Variants in WDR17 observed in about 807,000 individuals in gnomAD.
WDR17 encodes the protein WD repeat domain 17, also known as WD repeat-containing protein 17.
Under a neutral mutation model 161.7 loss-of-function variants are expected in WDR17, and 143 were observed. The ratio of observed to expected loss-of-function variants is 0.88; its 90% CI spans 0.77 to 1.02. WDR17 has a LOEUF of 1.02. Among genes scored for constraint, WDR17 ranks in the 50% least tolerant of loss-of-function variants. WDR17 has a pLI of 0.00. For synonymous variants in WDR17, 517 were observed against 515.6 expected (o/e 1.00, Z -0.04); for missense variants, 1,469 against 1,520.9 (o/e 0.97, Z 0.57).
In WDR17 at chr4:176,179,454, G is replaced by A; in HGVS notation, c.3733-6G>A. On this transcript the variant is annotated splice_region_variant and splice_polypyrimidine_tract_variant and intron_variant, in intron 28 of 28. Coordinates refer to ENST00000508596, the MANE Select transcript of WDR17 (RefSeq NM_181265.4). ...ATCTTCTCTTTCCTCAACTCTCACT[G>A]TGCAGGGCCCTGTGTTTTTCCTTGA... 4 of 1,591,722 alleles carry A rather than the reference G, an allele frequency of 2.5e-6. No homozygotes were observed. Among genetic ancestry groups the A allele is most frequent in the Non-Finnish European group, 3.4e-6 (4 of 1,168,354 alleles).
chr4:176,173,689 G>T (rs1021668443), intron 25 of WDR17, among the ~76,000 whole-genome samples: 6 of 151,794 alleles, frequency 4.0e-5, no homozygotes, highest in Admixed American at 1.3e-4. Flanking sequence ...GCTAATTTTT[G>T]TATTTTTAGT....
At chr4:176,144,392 AG>A (rs1745831305) in intron 11 of WDR17, among the ~76,000 whole-genome samples, 2 of 152,200 alleles carry the variant, frequency 1.3e-5, no homozygotes, top group Admixed American at 1.3e-4. Flanking sequence ...GCATATTCTT[AG>A]CAAAACACTC....
At chr4:176,174,827 C>G (rs929066903) in intron 26 of WDR17, 109 bp downstream of exon 26, 3 of 588,158 alleles carry the variant, frequency 5.1e-6, no homozygotes, top group Non-Finnish European at 8.7e-6. Context: ...TACAAGTATC[C>G]ATCTATTTAC....
intron 4 of WDR17, 105 bp downstream of exon 4, chr4:176,120,202 C>T (rs1741324733): frequency 1.3e-6 from 1 of 743,312 alleles, no homozygotes; most frequent in Non-Finnish European, 2.1e-6. Context: ...TGAATAAAAC[C>T]AAAAGTGACA....
At chr4:176,135,383 A>G in intron 8 of WDR17, 107 bp downstream of exon 8, 1 of 1,299,276 alleles carries the variant, frequency 7.7e-7, no homozygotes, top group Non-Finnish European at 1.1e-6. Flanking sequence ...TTCTAAATGA[A>G]TGTAGAGCAA....
At chr4:176,167,193 C>T (rs1214553374) in intron 22 of WDR17, among the ~76,000 whole-genome samples, 2 of 152,074 alleles carry the variant, frequency 1.3e-5, no homozygotes, top group African/African-American at 4.8e-5. Flanking sequence ...AATTGATTTA[C>T]TTAAATGACT....
chr4:176,115,865 A>G lies in WDR17; in HGVS notation c.193A>G (p.Ile65Val). The G allele has an allele frequency of 6.2e-7, 1 of 1,611,724 alleles. No homozygotes were observed. Among genetic ancestry groups the G allele is most frequent in the Non-Finnish European group, 8.5e-7 (1 of 1,178,510 alleles). ...MSEHKKTITAISWCPHNPDLF... is the reference protein window; with the variant it reads ...MSEHKKTITAVSWCPHNPDLF... The stretch of plus-strand genomic sequence containing the variant: ...TGAACATAAAAAAACAATCACAGCA[A>G]TTTCTTGGTGTCCACATAATCCTGA... The change falls in exon 3 of 29, where the codon ATT becomes GTT. Residue 65 changes from isoleucine (I) to valine (V), a missense_variant. By Grantham distance (29) the Ile-to-Val change is conservative (BLOSUM62 3). Transcript: ENST00000508596.
chr4:176,180,443 T>A lies in WDR17; in HGVS notation c.*864T>A, dbSNP rs1752046748. The A allele has an allele frequency of 6.6e-6, 1 of 152,282 alleles. No individual in the cohort carries two copies. Among genetic ancestry groups the A allele is most frequent in the African/African-American group, 2.4e-5 (1 of 41,454 alleles). The allele number at this position is 152,282 out of a possible 1,614,324, so 9.4% of individuals were successfully genotyped here. On this transcript the variant is annotated 3_prime_UTR_variant, in exon 29 of 29. Transcript: ENST00000508596. ...AATTTATTTGGCCGGGCACGGTGGCTCACACCTGTAATCTCAGCACTTTGG... is the reference window on the plus strand; with the variant it reads ...AATTTATTTGGCCGGGCACGGTGGCACACACCTGTAATCTCAGCACTTTGG...
chr4:176,179,553 A>T lies in WDR17; in HGVS notation c.3826A>T (p.Thr1276Ser). ...GGTGAATCCATTCTCACCTTTAGGG[A>T]CTGGAATACGACTCAATCCATTCTG... ...AKVNPFSPLG[T>S]GIRLNPF The change falls in exon 29 of 29, where the codon ACT becomes TCT. Residue 1276 changes from threonine to serine, a missense_variant. By Grantham distance (58) the Thr-to-Ser change is moderately conservative. Transcript: ENST00000508596. 6.3e-7 allele frequency: 1 copy of T among 1,596,892 alleles called. No homozygotes were observed. Among genetic ancestry groups the T allele is most frequent in the South Asian group, 1.1e-5 (1 of 88,188 alleles).
chr4:176,137,269 T>C lies in WDR17; in HGVS notation c.1268-251T>C, dbSNP rs116206306. Reference sequence around the variant, plus strand: ...AAATAATATGCTGTCAGAGATTTACTCCAAATAAATTCAGCAGATGCTATA... The same window carrying C: ...AAATAATATGCTGTCAGAGATTTACCCCAAATAAATTCAGCAGATGCTATA... On this transcript the variant is annotated intron_variant, in intron 8 of 28. Coordinates refer to ENST00000508596, the MANE Select transcript of WDR17 (RefSeq NM_181265.4). 4.0e-3 allele frequency among the ~76,000 whole-genome samples: 613 copies of C among 151,684 alleles called. 5 individuals carry two copies. The highest frequency in any genetic ancestry group is 0.014 in the African/African-American group (574 of 41,510).
intron 1 of WDR17, among the ~76,000 whole-genome samples, chr4:176,110,036 GAAATTGACAATAGTGAA>G (rs1739439798): frequency 6.6e-6 from 1 of 152,148 alleles, no homozygotes; most frequent in Non-Finnish European, 1.5e-5. Context: ...AATCAGATAT[GAAATTGACAATAGTGAA>G]AAATTGAATT....
At chr4:176,175,272 C>T (rs1380022386) in intron 26 of WDR17, among the ~76,000 whole-genome samples, 3 of 152,182 alleles carry the variant, frequency 2.0e-5, no homozygotes, top group Non-Finnish European at 4.4e-5. Flanking sequence ...TCAATCTCTA[C>T]AGCAGAAAAG....
At chr4:176,070,661 G>GCAC (rs1489681374) in intron 1 of WDR17, among the ~76,000 whole-genome samples, 1 of 151,244 alleles carries the variant, frequency 6.6e-6, no homozygotes, top group Admixed American at 6.6e-5. Flanking sequence ...CTACAGGCAC[G>GCAC]CACCACCACT....
intron 2 of WDR17, 35 bp from the exon 3 acceptor site, chr4:176,115,761 G>T (rs1265031756): frequency 2.7e-6 from 4 of 1,472,272 alleles, no homozygotes; most frequent in Non-Finnish European, 3.7e-6. Flanking sequence ...TTAAAAAGGA[G>T]CACTAAAATA....
At chr4:176,172,152 A>G (rs1750823988) in intron 23 of WDR17, among the ~76,000 whole-genome samples, 1 of 152,188 alleles carries the variant, frequency 6.6e-6, no homozygotes, top group African/African-American at 2.4e-5. Context: ...TGTGTGATGG[A>G]AAACTACTAA....
intron 22 of WDR17, among the ~76,000 whole-genome samples, chr4:176,164,055 GTGGAGCTATACAGA>G: frequency 6.6e-6 from 1 of 152,116 alleles, no homozygotes; most frequent in South Asian, 2.1e-4. Flanking sequence ...CACCCTGGAG[GTGGAGCTATACAGA>G]TGACTATAAC....
Position 176,078,949 on chromosome 4 carries a change from G to A in WDR17, c.-7+12870G>A, listed in dbSNP as rs555229201. ...TATCGTTAACTATAGTCTTCCTATA[G>A]TGCTTAGAACACTAGATCTTATTCC... On this transcript the variant is annotated intron_variant, in intron 1 of 28. Transcript: ENST00000508596. Among the ~76,000 whole-genome samples the A allele has an allele frequency of 1.4e-4, 22 of 152,050 alleles. 1 individual carries two copies. The South Asian group carries it at 3.9e-3, about 27-fold the overall frequency.
At chr4:176,167,885 G>A (rs955198520) in intron 22 of WDR17, among the ~76,000 whole-genome samples, 1 of 151,278 alleles carries the variant, frequency 6.6e-6, no homozygotes, top group Non-Finnish European at 1.5e-5. Context: ...GGTGGCTCAT[G>A]CCTGTAATCC....
intron 1 of WDR17, among the ~76,000 whole-genome samples, chr4:176,095,277 AGC>A (rs1393587008): frequency 2.0e-5 from 3 of 152,174 alleles, no homozygotes; most frequent in Admixed American, 6.5e-5. Context: ...AAACTAGAAG[AGC>A]AGGGCAGAAT....
Sources: gnomAD v4.1 joint callset for allele counts (sites outside exome capture counted in the v4.1 genomes callset) on GRCh38, gnomAD v4.1.1 for gene constraint, MANE v1.5 for transcripts, NCBI Gene and HGNC (gene_info 2026-07-23, HGNC 2026-07-21) for gene names.